Variants in INPP5D observed in about 807,000 individuals in gnomAD.
INPP5D encodes the protein inositol polyphosphate-5-phosphatase D.
Under a neutral mutation model 122.9 loss-of-function variants are expected in INPP5D, and 33 were observed. The ratio of observed to expected loss-of-function variants is 0.27; its 90% CI spans 0.20 to 0.36. The LOEUF (loss-of-function observed/expected upper bound fraction) is 0.36, where lower values mean the gene tolerates loss of function less well. Ranked by LOEUF, INPP5D falls within the 10% of genes least tolerant of loss-of-function variation. INPP5D has a pLI of 1.00. For missense variants in INPP5D, 1,053 were observed against 1,412.7 expected, an observed-to-expected ratio of 0.75 and a Z score of 4.08; for synonymous variants, 584 against 576.2, an observed-to-expected ratio of 1.01 and a Z score of -0.19.
chr2:233,092,935 C>A (rs1215728093), intron 2 of INPP5D, among the ~76,000 whole-genome samples: 2 of 150,868 alleles, frequency 1.3e-5, no homozygotes, highest in African/African-American at 4.9e-5. Flanking sequence ...CCTGACAGGG[C>A]TTAGTAGATT....
At chr2:233,069,956 A>C (rs542300222) in intron 1 of INPP5D, among the ~76,000 whole-genome samples, 2 of 152,324 alleles carry the variant, frequency 1.3e-5, no homozygotes, top group South Asian at 4.1e-4. Flanking sequence ...TAAGCTGTAC[A>C]AGAGAGTGCC....
chr2:233,166,217 A>G (rs1018585697), intron 13 of INPP5D, among the ~76,000 whole-genome samples: 7 of 151,726 alleles, frequency 4.6e-5, no homozygotes, highest in African/African-American at 1.7e-4. Context: ...AGTCCCTCCC[A>G]CCAGCCCCTG....
At chr2:233,104,483 C>T (rs1157155774) in intron 2 of INPP5D, among the ~76,000 whole-genome samples, 1 of 152,106 alleles carries the variant, frequency 6.6e-6, no homozygotes, top group African/African-American at 2.4e-5. Flanking sequence ...GGGACAGAGG[C>T]CCTGCTAAAG....
rs1314806034 is a variant in INPP5D, at chr2:233,164,513, G to A, written c.1555+89G>A. The A allele has an allele frequency of 2.7e-5, 38 of 1,410,372 alleles. No individual in the cohort carries two copies. Among genetic ancestry groups the A allele is most frequent in the Non-Finnish European group, 3.3e-5 (35 of 1,068,444 alleles). The allele number at this position is 1,410,372 out of a possible 1,614,324, so 87.4% of individuals were successfully genotyped here. ...ATCCTGATCCCACCAGTAGTTCCCCGGGTTAAAAACAGAGAGCCTCACATC... is the reference window on the plus strand; with the variant it reads ...ATCCTGATCCCACCAGTAGTTCCCCAGGTTAAAAACAGAGAGCCTCACATC... On this transcript the variant is annotated intron_variant, in intron 13 of 26. Coordinates refer to ENST00000445964, the MANE Select transcript of INPP5D (RefSeq NM_001017915.3). This position sits in a 1 kb window ranked among gnomAD's most constrained non-coding sequence, Gnocchi z 4.3.
At chr2:233,145,951 G>A (rs1693747351) in intron 6 of INPP5D, 2 of 690,676 alleles carry the variant, frequency 2.9e-6, no homozygotes, top group Non-Finnish European at 5.3e-6. Context: ...TTACAGGGAA[G>A]AAGAAATGAA....
intron 5 of INPP5D, among the ~76,000 whole-genome samples, chr2:233,131,798 T>G (rs1425226603): frequency 6.6e-6 from 1 of 152,264 alleles, no homozygotes; most frequent in African/African-American, 2.4e-5. Flanking sequence ...TGTTTTGTGT[T>G]TTATTACACA....
rs1235716510 is a variant in INPP5D, at chr2:233,191,896, C to T, written c.2447-1916C>T. Among the ~76,000 whole-genome samples, 13 of 152,358 alleles carry T rather than the reference C, an allele frequency of 8.5e-5. No homozygotes were observed. In the East Asian group the frequency reaches 1.5e-3, roughly 18 times the overall value. On this transcript the variant is annotated intron_variant, in intron 22 of 26. Coordinates refer to ENST00000445964, the MANE Select transcript of INPP5D (RefSeq NM_001017915.3). The stretch of plus-strand genomic sequence containing the variant: ...GCTGCAGACACAAATGAAAGCCCCA[C>T]GCATAGTCTCCCATTGTGCAGGCTC...
chr2:233,174,358 G>A lies in INPP5D; in HGVS notation c.1990-2907G>A, dbSNP rs542710209. ...GTGATGACAGCTACAGCAGCACTAC[G>A]TGATGGGGATTTTCCAGCTCCATTA... is the stretch of plus-strand genomic sequence containing the variant. On this transcript the variant is annotated intron_variant, in intron 17 of 26. Transcript: ENST00000445964. 3.3e-5 allele frequency among the ~76,000 whole-genome samples: 5 copies of A among 152,360 alleles called. No individual in the cohort carries two copies. In the South Asian group the frequency reaches 6.2e-4, roughly 19 times the overall value.
chr2:233,072,851 G>A (rs149335292), intron 1 of INPP5D, among the ~76,000 whole-genome samples: 38 of 152,338 alleles, frequency 2.5e-4, no homozygotes, highest in African/African-American at 6.7e-4. Context: ...GTCCTGGCAG[G>A]AAATAGATGG....
intron 25 of INPP5D, among the ~76,000 whole-genome samples, chr2:233,198,971 C>T (rs558265751): frequency 8.6e-5 from 13 of 150,482 alleles, no homozygotes; most frequent in Non-Finnish European, 1.5e-4. Flanking sequence ...AAATTTCGGC[C>T]GGGCACGGTG....
At chr2:233,169,164 C>CA in intron 13 of INPP5D, 141 bp from the exon 14 acceptor site, 1 of 1,277,906 alleles carries the variant, frequency 7.8e-7, no homozygotes, top group Non-Finnish European at 1.1e-6. Flanking sequence ...CAGCGGCTCC[C>CA]ACCCTGCACG....
intron 14 of INPP5D, 48 bp downstream of exon 14, chr2:233,169,449 C>A (rs1357568207): frequency 1.3e-6 from 2 of 1,554,866 alleles, no homozygotes; most frequent in Admixed American, 1.9e-5. Context: ...GCTGTCTGCC[C>A]AGACACGCCT....
At chr2:233,138,784 C>T (rs549341929) in intron 5 of INPP5D, among the ~76,000 whole-genome samples, 47 of 151,912 alleles carry the variant, frequency 3.1e-4, no homozygotes, top group Non-Finnish European at 5.9e-4. Context: ...CTCGCTCTGT[C>T]GCCCAGGCTG....
chr2:233,101,687 G>T, intron 2 of INPP5D, among the ~76,000 whole-genome samples: 1 of 141,954 alleles, frequency 7.0e-6, no homozygotes, highest in African/African-American at 2.6e-5. Context: ...TATTATATAA[G>T]TAGTAATTGC....
intron 5 of INPP5D, among the ~76,000 whole-genome samples, chr2:233,135,897 AT>A (rs1365559497): frequency 6.6e-6 from 1 of 152,234 alleles, no homozygotes; most frequent in Non-Finnish European, 1.5e-5. Flanking sequence ...CAAAATATGA[AT>A]ATACTCAAAG....
At chr2:233,068,994 G>T (rs1400525453) in intron 1 of INPP5D, among the ~76,000 whole-genome samples, 2 of 152,196 alleles carry the variant, frequency 1.3e-5, no homozygotes, top group Non-Finnish European at 2.9e-5. Flanking sequence ...CCAATTGAGG[G>T]GGTGGGTGCA....
intron 1 of INPP5D, chr2:233,076,182 C>A (rs1396287112): frequency 2.0e-5 from 3 of 152,244 alleles, no homozygotes; most frequent in Non-Finnish European, 4.4e-5. Flanking sequence ...GCTGTTCTCA[C>A]CCCTCACCTC....
chr2:233,095,631 A>C (rs1322419452), intron 2 of INPP5D, among the ~76,000 whole-genome samples: 3 of 13,630 alleles, frequency 2.2e-4, no homozygotes, highest in East Asian at 1.3e-3. Context: ...AAAAAAAAAA[A>C]AAAAAAAAAA....
chr2:233,204,512 C>G lies in INPP5D; in HGVS notation c.3362C>G (p.Pro1121Arg). 6.3e-7 allele frequency: 1 copy of G among 1,581,922 alleles called. No individual in the cohort carries two copies. The highest frequency in any genetic ancestry group is 8.6e-7 in the Non-Finnish European group (1 of 1,165,504). ...SSQAPVPAKR[P>R]IKPSRSEINQ... ...CAGGCCCCGGTGCCGGCCAAGAGGC[C>G]CATCAAGCCTTCCAGATCGGAAATC... Residue 1121 changes from proline (P) to arginine (R), a missense_variant, in exon 26 of 27, where the codon CCC becomes CGC. Physicochemically the swap from Pro to Arg is moderately radical, Grantham distance 103. This residue lies in a region of INPP5D where 417 missense variants were observed against 425.8 expected (regional missense o/e 0.98). Transcript: ENST00000445964.
Sources: gnomAD v4.1 joint callset for allele counts (sites outside exome capture counted in the v4.1 genomes callset) on GRCh38, gnomAD v4.1.1 for gene constraint, gnomAD v4.1.1 regional missense constraint, Gnocchi (gnomAD v3.1) non-coding constraint, MANE v1.5 for transcripts, NCBI Gene and HGNC (gene_info 2026-07-23, HGNC 2026-07-21) for gene names.